TEDC2: variants seen among roughly 807,000 people sequenced by gnomAD.
TEDC2 encodes the protein tubulin epsilon and delta complex 2, also known as tubulin epsilon and delta complex protein 2.
Under a neutral mutation model 48.1 loss-of-function variants are expected in TEDC2, and 49 were observed. That is an observed-to-expected ratio of 1.02 (90% CI 0.81 to 1.29). TEDC2 has a LOEUF of 1.29. TEDC2 is among the 50% of genes most tolerant of loss of function. The pLI, the probability that TEDC2 is intolerant of heterozygous loss-of-function variation, is 0.00. For missense variants in TEDC2, 631 were observed against 571.4 expected (o/e 1.10, Z -1.06); for synonymous variants, 299 against 247.1 (o/e 1.21, Z -1.97).
rs749768901 is a variant in TEDC2, at chr16:2,460,884, C to T, written c.265C>T (p.Arg89Ter). The T allele has an allele frequency of 2.5e-5, 41 of 1,613,520 alleles. No homozygotes were observed. The highest frequency in any genetic ancestry group is 5.5e-5 in the South Asian group (5 of 91,082). The change falls in exon 4 of 10, where the codon CGA becomes TGA. Residue 89 changes from arginine (R) to a stop codon, truncating the protein, a stop_gained. Coordinates refer to ENST00000361837, the MANE Select transcript of TEDC2 (RefSeq NM_025108.3). LOFTEE classifies it high-confidence loss of function. The part of the protein sequence containing the change: ...FLTQALEKAV[R>*]VRRGITKAGE... ...GACCCAGGCACTGGAGAAGGCTGTA[C>T]GAGTTCGAAGAGGCATCACTAAGGC... is the stretch of plus-strand genomic sequence containing the variant.
chr16:2,464,545 C>A lies in TEDC2; in HGVS notation c.1179C>A (p.Pro393=). The A allele has an allele frequency of 6.3e-7, 1 of 1,585,234 alleles. No homozygotes were observed. Among genetic ancestry groups the A allele is most frequent in the East Asian group, 2.2e-5 (1 of 44,716 alleles). The stretch of plus-strand genomic sequence containing the variant: ...AGGTCCTGATGGCTGAACTCCTCCC[C>A]CTGGTAAGCGCTGCACAGCCGCAGG... ...LEKVLMAELL[P]LVSAAQPQGP... The change falls in exon 10 of 10, where the codon CCC becomes CCA. Residue 393 remains proline, a synonymous_variant. Transcript: ENST00000361837.
rs1441100069 is a variant in TEDC2 at position 2,460,653 on chromosome 16, A to G, written c.156A>G (p.Pro52=). Residue 52 remains proline (P), a synonymous_variant, in exon 3 of 10, where the codon CCA becomes CCG. Coordinates refer to ENST00000361837, the MANE Select transcript of TEDC2 (RefSeq NM_025108.3). ...CAACTGGGACCCGGGCTTTGAAGCC[A>G]CCTCCAGGGCCAGAAACTAATGGAG... ...WEPTGTRALK[P]PPGPETNGED... 2 of 1,612,940 alleles carry G rather than the reference A, an allele frequency of 1.2e-6. No individual in the cohort carries two copies. The highest frequency in any genetic ancestry group is 2.2e-5 in the East Asian group (1 of 44,866).
intron 9 of TEDC2, 105 bp from the exon 10 acceptor site, chr16:2,464,417 G>A (rs2065487287): frequency 3.6e-6 from 5 of 1,375,666 alleles, no homozygotes; most frequent in East Asian, 4.8e-5. Context: ...TGGAGCCTCA[G>A]AAGGAGGGAG....
intron 5 of TEDC2, 24 bp from the exon 6 acceptor site, chr16:2,462,125 G>C: frequency 6.2e-7 from 1 of 1,609,068 alleles, no homozygotes. Flanking sequence ...TGGTTCCTCT[G>C]TGCACCCCAC....
At chr16:2,464,362 G>A in intron 9 of TEDC2, 133 bp downstream of exon 9, 5 of 1,356,684 alleles carry the variant, frequency 3.7e-6, no homozygotes, top group Non-Finnish European at 5.0e-6. Flanking sequence ...TGTGTGGGTT[G>A]GGAAGTGCAT....
At position 2,460,923 on chromosome 16, in the gene TEDC2, A is replaced by G. The variant is rs891850532; in HGVS notation, c.304A>G (p.Lys102Glu). Residue 102 changes from lysine to glutamate, a missense_variant, in exon 4 of 10, where the codon AAG (lysine) becomes GAG (glutamate). Lys to Glu is a moderately conservative substitution (Grantham distance 56). Transcript: ENST00000361837. The stretch of plus-strand genomic sequence containing the variant: ...CATCACTAAGGCCGGAGAGAGAGAC[A>G]AGGCCCCCAGCCTGAAATCTAGGTC... Reference protein sequence around the residue: ...RGITKAGERDKAPSLKSRSIV... With the variant: ...RGITKAGERDEAPSLKSRSIV... 2 of 1,613,466 alleles carry G rather than the reference A, an allele frequency of 1.2e-6. No individual in the cohort carries two copies. Among genetic ancestry groups the G allele is most frequent in the African/African-American group, 2.7e-5 (2 of 74,936 alleles).
chr16:2,462,137 T>C lies in TEDC2; in HGVS notation c.660-12T>C, dbSNP rs1218678074. On this transcript the variant is annotated splice_polypyrimidine_tract_variant and intron_variant, in intron 5 of 9. Coordinates refer to ENST00000361837, the MANE Select transcript of TEDC2 (RefSeq NM_025108.3). ...CTGTGGTTCCTCTGTGCACCCCACG[T>C]GTGCACCCCAGCCTGTGGGCCCAGC... The C allele has an allele frequency of 1.2e-6, 2 of 1,609,656 alleles. No homozygotes were observed. The highest frequency in any genetic ancestry group is 1.7e-6 in the Non-Finnish European group (2 of 1,177,340).
Position 2,462,541 on chromosome 16 carries a change from G to A in TEDC2, c.862+15G>A, listed in dbSNP as rs72768722. 4.4e-6 allele frequency: 7 copies of A among 1,586,758 alleles called. No homozygotes were observed. In the African/African-American group the frequency reaches 9.4e-5, roughly 21 times the overall value. On this transcript the variant is annotated intron_variant, in intron 7 of 9. Coordinates refer to ENST00000361837, the MANE Select transcript of TEDC2 (RefSeq NM_025108.3). Reference sequence around the variant, plus strand: ...GCTCTCGGCAGGTCAGTGGGTCCTGGGTCTGTATCAGGAGGAGTGTGGAGG... The same window carrying A: ...GCTCTCGGCAGGTCAGTGGGTCCTGAGTCTGTATCAGGAGGAGTGTGGAGG...
rs145067730 is a variant in TEDC2, at chr16:2,461,236, G to A, written c.605+12G>A. 2.4e-4 allele frequency: 346 copies of A among 1,451,428 alleles called. No individual in the cohort carries two copies. The African/African-American group carries it at 4.2e-3, about 18-fold the overall frequency. The allele number at this position is 1,451,428 out of a possible 1,614,324, so 89.9% of individuals were successfully genotyped here. A position where few individuals can be genotyped will look rare whatever the true frequency, so the allele number is the denominator to read the frequency against. On this transcript the variant is annotated intron_variant, in intron 4 of 9. Transcript: ENST00000361837. The stretch of plus-strand genomic sequence containing the variant: ...CTCAAGGAGAAGGGGTAGGTTTCCC[G>A]GACCCTCACTGGAGGGACTTCTGTC...
At position 2,462,381 on chromosome 16, in the gene TEDC2, T is replaced by G. The variant is rs373430951; in HGVS notation, c.751-34T>G. On this transcript the variant is annotated intron_variant, in intron 6 of 9. Coordinates refer to ENST00000361837, the MANE Select transcript of TEDC2 (RefSeq NM_025108.3). ...GTTCTTGGTGGGAGCAGAGGGGCTT[T>G]GGCTGCAGGGAAGTTTTCCTGACCC... 165 of 1,609,884 alleles carry G rather than the reference T, an allele frequency of 1.0e-4. No homozygotes were observed. The African/African-American group carries it at 1.9e-3, about 19-fold the overall frequency.
In TEDC2 at chr16:2,462,680, G is replaced by A; in HGVS notation, c.912G>A (p.Gly304=). Reference sequence around the variant, plus strand: ...ACCGCTGCCTGCTCACGCTGGAGGGGCTGCAGGCCATGGTGGGCCAGTGTC... The same window carrying A: ...ACCGCTGCCTGCTCACGCTGGAGGGACTGCAGGCCATGGTGGGCCAGTGTC... ...QEYRCLLTLE[G]LQAMVGQCLH... The change falls in exon 8 of 10, where the codon GGG becomes GGA. Residue 304 remains glycine (G), a synonymous_variant. Coordinates refer to ENST00000361837, the MANE Select transcript of TEDC2 (RefSeq NM_025108.3). 1.9e-6 allele frequency: 3 copies of A among 1,546,524 alleles called. No individual in the cohort carries two copies. Among genetic ancestry groups the A allele is most frequent in the Non-Finnish European group, 2.6e-6 (3 of 1,147,154 alleles).
rs1044582842 is a variant in TEDC2, at chr16:2,464,815, A to G, written c.*147A>G. ...GGCCTCACTGGCTCTTCTCAGGACA[A>G]CTAAGCCTGCTGGTCAGGGCTGGCT... On this transcript the variant is annotated 3_prime_UTR_variant, in exon 10 of 10. Coordinates refer to ENST00000361837, the MANE Select transcript of TEDC2 (RefSeq NM_025108.3). The G allele has an allele frequency of 5.3e-6, 6 of 1,134,322 alleles. No individual in the cohort carries two copies. The highest frequency in any genetic ancestry group is 2.2e-4 in the Middle Eastern group (1 of 4,464). The allele number at this position is 1,134,322 out of a possible 1,614,324, so 70.3% of individuals were successfully genotyped here. A position where few individuals can be genotyped will look rare whatever the true frequency, so the allele number is the denominator to read the frequency against.
At chr16:2,460,219 A>G in intron 1 of TEDC2, 49 bp downstream of exon 1, 5 of 1,453,404 alleles carry the variant, frequency 3.4e-6, no homozygotes, top group Non-Finnish European at 4.5e-6. Context: ...GCGGGCCGGT[A>G]GCCAGGCGCG....
rs370237877 is a variant in TEDC2, at chr16:2,464,685, C to T, written c.*17C>T. 107 of 1,612,452 alleles carry T rather than the reference C, an allele frequency of 6.6e-5. No individual in the cohort carries two copies. The highest frequency in any genetic ancestry group is 8.8e-5 in the Non-Finnish European group (104 of 1,179,830). ...GCAGTCTGAGCCTTTCCCATGCTGC[C>T]CTCGGCCTGTTCAGATGGGGATTGG... is the stretch of plus-strand genomic sequence containing the variant. On this transcript the variant is annotated 3_prime_UTR_variant, in exon 10 of 10. Coordinates refer to ENST00000361837, the MANE Select transcript of TEDC2 (RefSeq NM_025108.3).
chr16:2,461,526 C>A lies in TEDC2; in HGVS notation c.606-221C>A, dbSNP rs2065466652. On this transcript the variant is annotated intron_variant, in intron 4 of 9. Transcript: ENST00000361837. ...GAGGGCGTGGGATCTGCTCACAGGG[C>A]CCCGCTCACAGGGCCCCCTCTTCTC... 3.1e-5 allele frequency: 20 copies of A among 639,622 alleles called. No homozygotes were observed. The South Asian group carries it at 4.0e-4, about 13-fold the overall frequency. 39.6% of individuals were successfully genotyped at this position (639,622 alleles called of 1,614,324 possible). A position where few individuals can be genotyped will look rare whatever the true frequency, so the allele number is the denominator to read the frequency against.
Position 2,462,103 on chromosome 16 carries a change from C to T in TEDC2, c.660-46C>T, listed in dbSNP as rs775519119. On this transcript the variant is annotated intron_variant, in intron 5 of 9. Coordinates refer to ENST00000361837, the MANE Select transcript of TEDC2 (RefSeq NM_025108.3). ...GGCCCAGCTTACTGGCTGGAATAACCGTGTCCCTCTGTGGTTCCTCTGTGC... is the reference window on the plus strand; with the variant it reads ...GGCCCAGCTTACTGGCTGGAATAACTGTGTCCCTCTGTGGTTCCTCTGTGC... 20 of 1,585,172 alleles carry T rather than the reference C, an allele frequency of 1.3e-5. No individual in the cohort carries two copies. In the East Asian group the frequency reaches 2.2e-4, roughly 18 times the overall value.
At position 2,460,142 on chromosome 16, in the gene TEDC2, T is replaced by A. The variant is rs746297783; in HGVS notation, c.-3T>A. ...CAAATTGCAAGGAGACGCCGCCGCC[T>A]TCATGCTGCCGGCGGGCTGCTCGCG... On this transcript the variant is annotated 5_prime_UTR_variant, in exon 1 of 10. Coordinates refer to ENST00000361837, the MANE Select transcript of TEDC2 (RefSeq NM_025108.3). The A allele has an allele frequency of 1.4e-4, 187 of 1,350,722 alleles. No homozygotes were observed. Among genetic ancestry groups the A allele is most frequent in the Middle Eastern group, 1.1e-3 (4 of 3,644 alleles). 83.7% of individuals were successfully genotyped at this position (1,350,722 alleles called of 1,614,324 possible).
rs143671558 is a variant in TEDC2 at position 2,460,392 on chromosome 16, C to T, written c.125+11C>T. 2 of 1,544,802 alleles carry T rather than the reference C, an allele frequency of 1.3e-6. No individual in the cohort carries two copies. The highest frequency in any genetic ancestry group is 1.7e-6 in the Non-Finnish European group (2 of 1,146,246). On this transcript the variant is annotated intron_variant, in intron 2 of 9. Coordinates refer to ENST00000361837, the MANE Select transcript of TEDC2 (RefSeq NM_025108.3). ...GCTGCTGCATGCCTGGTACGCGGAC[C>T]CCGGACCCACTGGCCAGACCTCCCT... is the stretch of plus-strand genomic sequence containing the variant.
chr16:2,460,957 C>T lies in TEDC2; in HGVS notation c.338C>T (p.Thr113Ile), dbSNP rs2065462771. 3 of 1,613,334 alleles carry T rather than the reference C, an allele frequency of 1.9e-6. No individual in the cohort carries two copies. The highest frequency in any genetic ancestry group is 2.5e-6 in the Non-Finnish European group (3 of 1,179,944). The change falls in exon 4 of 10, where the codon ACC becomes ATC. Residue 113 changes from threonine (T) to isoleucine (I), a missense_variant. Coordinates refer to ENST00000361837, the MANE Select transcript of TEDC2 (RefSeq NM_025108.3). ...APSLKSRSIV[T>I]SSGTTASAPP... The stretch of plus-strand genomic sequence containing the variant: ...AGCCTGAAATCTAGGTCCATTGTCA[C>T]CTCTTCTGGCACGACAGCCTCCGCC...
Sources: gnomAD v4.1 joint callset for allele counts on GRCh38, gnomAD v4.1.1 for gene constraint, MANE v1.5 for transcripts, NCBI Gene and HGNC (gene_info 2026-07-23, HGNC 2026-07-21) for gene names.